ZNF19: variants seen among roughly 807,000 people sequenced by gnomAD.
The protein encoded by ZNF19 is zinc finger protein 19, also known as zinc finger protein 19 (KOX 12).
Under a neutral mutation model 13.1 loss-of-function variants are expected in ZNF19, and 11 were observed. That is an observed-to-expected ratio of 0.84 (90% CI 0.53 to 1.39). The LOEUF (loss-of-function observed/expected upper bound fraction) is 1.39. Among genes scored for constraint, ZNF19 ranks in the 40% most tolerant of loss-of-function variants. The probability of loss-of-function intolerance (pLI) is 0.00; values close to 1 mark genes in which losing one functional copy is unlikely to be tolerated. For missense variants in ZNF19, 560 were observed against 547.0 expected (o/e 1.02, Z -0.24); for synonymous variants, 186 against 187.0 (o/e 0.99, Z 0.04).
chr16:71,482,050 C>A, intron 3 of ZNF19, 32 bp downstream of exon 3: 1 of 1,613,246 alleles, frequency 6.2e-7, no homozygotes, highest in Non-Finnish European at 8.5e-7. Flanking sequence ...CTCAGACCTC[C>A]ATAGAGCTGA....
intron 3 of ZNF19, among the ~76,000 whole-genome samples, chr16:71,480,572 A>T (rs1351765570): frequency 6.6e-6 from 1 of 151,956 alleles, no homozygotes; most frequent in Non-Finnish European, 1.5e-5. Flanking sequence ...CTGGAATCTG[A>T]CTCTTCTTCA....
chr16:71,485,192 G>C (rs888632430), intron 1 of ZNF19, among the ~76,000 whole-genome samples: 1 of 151,862 alleles, frequency 6.6e-6, no homozygotes, highest in African/African-American at 2.4e-5. Context: ...GCTCACGCCT[G>C]TAATCCCAGC....
In ZNF19 at chr16:71,475,561, T is replaced by A; in HGVS notation, c.986A>T (p.Tyr329Phe). The change falls in exon 6 of 6, where the codon TAT becomes TTT. Residue 329 changes from tyrosine (Y) to phenylalanine (F), a missense_variant. Transcript: ENST00000288177. ...GGCTTGTCCACATACTTTACAAGAA[T>A]AAGGCTTTTCCCCTGTGTGAATACG... ...HQRIHTGEKP[Y>F]SCKVCGQAFN... 4.3e-6 allele frequency: 7 copies of A among 1,614,036 alleles called. No individual in the cohort carries two copies. The highest frequency in any genetic ancestry group is 5.9e-6 in the Non-Finnish European group (7 of 1,179,986).
intron 3 of ZNF19, among the ~76,000 whole-genome samples, chr16:71,479,754 G>C (rs955570153): frequency 9.2e-5 from 14 of 151,830 alleles, no homozygotes; most frequent in Admixed American, 5.9e-4. Context: ...CATGCTTCTT[G>C]GGTTTTTTTT....
Position 71,482,077 on chromosome 16 carries a change from C to A in ZNF19, c.33+5G>T. On this transcript the variant is annotated splice_donor_5th_base_variant and intron_variant, in intron 3 of 5. Transcript: ENST00000288177. ...TAGAGCTGACCTCAGGGATCCACAG[C>A]TCACCTGGTATTGAGCTTTCAGAGG... 1 of 1,614,156 alleles carries A rather than the reference C, an allele frequency of 6.2e-7. No individual in the cohort carries two copies. Among genetic ancestry groups the A allele is most frequent in the Non-Finnish European group, 8.5e-7 (1 of 1,180,018 alleles).
intron 3 of ZNF19, among the ~76,000 whole-genome samples, chr16:71,480,102 T>G (rs1160860085): frequency 6.6e-6 from 1 of 152,064 alleles, no homozygotes; most frequent in African/African-American, 2.4e-5. Flanking sequence ...CCCTCATGCT[T>G]TTTCAACAGA....
intron 4 of ZNF19, 55 bp downstream of exon 4, chr16:71,478,824 A>C: frequency 6.3e-7 from 1 of 1,592,474 alleles, no homozygotes; most frequent in African/African-American, 1.3e-5. Flanking sequence ...GCTGTAAAAG[A>C]AGGAAGGAAA....
chr16:71,475,008 A>G lies in ZNF19; in HGVS notation c.*162T>C, dbSNP rs1597012121. The G allele has an allele frequency of 5.7e-6, 5 of 882,546 alleles. No individual in the cohort carries two copies. The East Asian group carries it at 1.3e-4, about 24-fold the overall frequency. 54.7% of individuals were successfully genotyped at this position (882,546 alleles called of 1,614,324 possible). On this transcript the variant is annotated 3_prime_UTR_variant, in exon 6 of 6. Coordinates refer to ENST00000288177, the MANE Select transcript of ZNF19 (RefSeq NM_006961.4). ...AGTATTTGTTCCTATTAGCTCTTGC[A>G]ATCCTGGGACTCTAATTGAACCATC... is the stretch of plus-strand genomic sequence containing the variant.
chr16:71,476,830 T>C (rs2043605825), intron 5 of ZNF19, among the ~76,000 whole-genome samples: 1 of 152,178 alleles, frequency 6.6e-6, no homozygotes. Flanking sequence ...ATTCCCAATA[T>C]GTTGTAAGAT....
In ZNF19 at chr16:71,484,591, C is replaced by G; in HGVS notation, c.-32G>C. The G allele has an allele frequency of 4.1e-6, 4 of 985,452 alleles. No homozygotes were observed. The highest frequency in any genetic ancestry group is 3.6e-6 in the Non-Finnish European group (3 of 829,956). 61.0% of individuals were successfully genotyped at this position (985,452 alleles called of 1,614,324 possible). ...AGGCGACAAACCCCAACACTCACCT[C>G]AGGAAAAACAGAAAGCGGTGCGTGA... On this transcript the variant is annotated splice_region_variant and 5_prime_UTR_variant, in exon 2 of 6. Transcript: ENST00000288177.
Position 71,475,045 on chromosome 16 carries a change from A to G in ZNF19, c.*125T>C. ...CTAATTGAACCATCTTTGGTCATCT[A>G]CTGACATCTGAATCATTAACTGTGG... On this transcript the variant is annotated 3_prime_UTR_variant, in exon 6 of 6. Coordinates refer to ENST00000288177, the MANE Select transcript of ZNF19 (RefSeq NM_006961.4). The G allele has an allele frequency of 1.7e-6, 2 of 1,193,064 alleles. No homozygotes were observed. Among genetic ancestry groups the G allele is most frequent in the Middle Eastern group, 2.1e-4 (1 of 4,798 alleles). The allele number at this position is 1,193,064 out of a possible 1,614,324, so 73.9% of individuals were successfully genotyped here.
intron 3 of ZNF19, 167 bp from the exon 4 acceptor site, chr16:71,479,172 G>A (rs555782128): frequency 2.0e-5 from 16 of 784,874 alleles, no homozygotes; most frequent in African/African-American, 5.2e-5. Context: ...TTTTTACAAC[G>A]AAAAATCTGG....
chr16:71,482,242 T>A (rs920882559), intron 2 of ZNF19, 99 bp from the exon 3 acceptor site: 12 of 1,068,286 alleles, frequency 1.1e-5, no homozygotes, highest in African/African-American at 1.6e-5. Context: ...ATTCACTTAC[T>A]AAATGCTCAC....
chr16:71,483,477 CT>C (rs1308876010), intron 2 of ZNF19, among the ~76,000 whole-genome samples: 3 of 152,132 alleles, frequency 2.0e-5, no homozygotes, highest in Non-Finnish European at 2.9e-5. Context: ...ACCTTCATAC[CT>C]GCTGTTTCTT....
rs2043587717 is a variant in ZNF19, at chr16:71,474,661, A to G, written c.*509T>C. 6.3e-6 allele frequency: 1 copy of G among 157,718 alleles called. No individual in the cohort carries two copies. Among genetic ancestry groups the G allele is most frequent in the Non-Finnish European group, 1.4e-5 (1 of 71,540 alleles). The allele number at this position is 157,718 out of a possible 1,614,324, so 9.8% of individuals were successfully genotyped here. A position where few individuals can be genotyped will look rare whatever the true frequency, so the allele number is the denominator to read the frequency against. ...AAAACATTTCTCCATCAGGTATGTT[A>G]TCCCTGAAAACTTCAAACAACTGCT... is the stretch of plus-strand genomic sequence containing the variant. On this transcript the variant is annotated 3_prime_UTR_variant, in exon 6 of 6. Transcript: ENST00000288177.
chr16:71,488,312 A>T (rs1207685050), intron 1 of ZNF19, among the ~76,000 whole-genome samples: 1 of 151,642 alleles, frequency 6.6e-6, no homozygotes, highest in Non-Finnish European at 1.5e-5. Context: ...GTAAGCTGAG[A>T]ATATGCCACT....
In ZNF19 at chr16:71,488,484, C is replaced by T. The variant is rs143234887; in HGVS notation, c.-190+788G>A. ...TGTATAAGAAGTCCCAAAGAATCTA[C>T]AAAACAAGCTCCTAAAATTAAAAGT... On this transcript the variant is annotated intron_variant, in intron 1 of 5. Coordinates refer to ENST00000288177, the MANE Select transcript of ZNF19 (RefSeq NM_006961.4). Among the ~76,000 whole-genome samples, 6 of 151,858 alleles carry T rather than the reference C, an allele frequency of 4.0e-5. No individual in the cohort carries two copies. In the East Asian group the frequency reaches 9.8e-4, roughly 25 times the overall value.
At chr16:71,484,511 A>T (rs1171795752) in intron 2 of ZNF19, 78 bp downstream of exon 2, 1 of 985,276 alleles carries the variant, frequency 1.0e-6, no homozygotes, top group Non-Finnish European at 1.2e-6. Context: ...GGCAGCAGGG[A>T]CGAAGCCGAC....
chr16:71,483,296 G>GATT (rs2145171410), intron 2 of ZNF19, among the ~76,000 whole-genome samples: 1 of 152,258 alleles, frequency 6.6e-6, no homozygotes, highest in South Asian at 2.1e-4. Flanking sequence ...ATCTCTTACA[G>GATT]ACACTTTGTA....
Sources: allele counts gnomAD v4.1 joint callset (sites outside exome capture counted in the v4.1 genomes callset), GRCh38; gene constraint gnomAD v4.1.1; transcripts MANE v1.5; gene names NCBI Gene and HGNC (gene_info 2026-07-23, HGNC 2026-07-21).